Variants in DIAPH2 observed in about 807,000 individuals in gnomAD.
The protein encoded by DIAPH2 is diaphanous related formin 2.
DIAPH2 carries 35 observed loss-of-function variants against 92.7 expected under a neutral mutation model. The observed-to-expected ratio is 0.38, with a 90% CI of 0.29 to 0.50. DIAPH2 has a LOEUF of 0.50. Ranked by LOEUF, DIAPH2 falls within the 20% of genes least tolerant of loss-of-function variation. The pLI is 0.94. For synonymous variants in DIAPH2, 301 were observed against 280.4 expected, an observed-to-expected ratio of 1.07 and a Z score of -0.73; for missense variants, 701 against 819.5, an observed-to-expected ratio of 0.86 and a Z score of 1.77.
intron 17 of DIAPH2, among the ~76,000 whole-genome samples, chrX:97,050,490 A>G (rs761879255): frequency 2.8e-4 from 30 of 108,068 alleles, no homozygotes; most frequent in Non-Finnish European, 4.6e-4. Flanking sequence ...CACAAATAAT[A>G]GAACCACGTT....
At chrX:97,401,690 A>G (rs947012532) in intron 25 of DIAPH2, among the ~76,000 whole-genome samples, 1 of 111,654 alleles carries the variant, frequency 9.0e-6, no homozygotes, top group African/African-American at 3.3e-5. Flanking sequence ...GGTGGGGGTA[A>G]GGGGACAGCA....
At chrX:97,554,834 A>G (rs2071245765) in intron 26 of DIAPH2, among the ~76,000 whole-genome samples, 1 of 112,117 alleles carries the variant, frequency 8.9e-6, no homozygotes, top group Admixed American at 9.5e-5. Context: ...GGTACAAAGT[A>G]AGTGATAGCA....
At chrX:97,086,385 C>G (rs1275263594) in intron 19 of DIAPH2, among the ~76,000 whole-genome samples, 2 of 111,323 alleles carry the variant, frequency 1.8e-5, no homozygotes, top group Non-Finnish European at 3.8e-5. Context: ...TTACCAGGGA[C>G]TAGAGGTGGG....
intron 21 of DIAPH2, among the ~76,000 whole-genome samples, chrX:97,129,165 C>CCTTTCCTTTCCTTTCCTTTCCT (rs2067119237): frequency 1.5e-5 from 1 of 68,914 alleles, no homozygotes; most frequent in African/African-American, 7.0e-5. Flanking sequence ...CTTTTCTTTT[C>CCTTTCCTTTCCTTTCCTTTCCT]TTTCTTTTCT....
chrX:97,427,051 G>A (rs780771979), intron 25 of DIAPH2, among the ~76,000 whole-genome samples: 28 of 108,379 alleles, frequency 2.6e-4, no homozygotes, highest in Middle Eastern at 4.6e-3. Flanking sequence ...GGTGGCAGGC[G>A]CCTGTAATCC....
At chrX:96,798,242 T>C (rs1353674679) in intron 4 of DIAPH2, among the ~76,000 whole-genome samples, 1 of 112,448 alleles carries the variant, frequency 8.9e-6, no homozygotes, top group Non-Finnish European at 1.9e-5. Flanking sequence ...AAATTTTTTC[T>C]GTAGTAGATC....
At chrX:96,749,894 G>A (rs749082590) in intron 3 of DIAPH2, among the ~76,000 whole-genome samples, 1 of 110,965 alleles carries the variant, frequency 9.0e-6, no homozygotes, top group East Asian at 2.8e-4. Context: ...CTTGGAAGTT[G>A]AGTCTGTTGG....
In DIAPH2 at chrX:97,451,354, T is replaced by TC. The variant is rs1416659877; in HGVS notation, c.3241+21611dup. ...ACATTACCTGCCGCATCTCCAACAG[T>TC]CCAACGCTGTGAGAAAATGTGATAT... On this transcript the variant is annotated intron_variant, in intron 26 of 26. Coordinates refer to ENST00000324765, the MANE Select transcript of DIAPH2 (RefSeq NM_006729.5). Among the ~76,000 whole-genome samples, 623 of 111,490 alleles carry TC rather than the reference T, an allele frequency of 5.6e-3. 2 individuals are homozygous for TC. The highest frequency in any genetic ancestry group is 0.019 in the African/African-American group (590 of 30,753).
chrX:96,695,938 G>C (rs977096094), intron 1 of DIAPH2, among the ~76,000 whole-genome samples: 2 of 112,120 alleles, frequency 1.8e-5, no homozygotes, highest in Admixed American at 1.9e-4. Context: ...ACTTCATTTT[G>C]ATCTTAGCAC....
At chrX:97,363,526 C>T (rs987752533) in intron 24 of DIAPH2, among the ~76,000 whole-genome samples, 1 of 107,357 alleles carries the variant, frequency 9.3e-6, no homozygotes, top group Non-Finnish European at 1.9e-5. Context: ...ATTAGCGTGG[C>T]ATTGTGGCTT....
At chrX:97,575,034 C>G (rs778155113) in intron 26 of DIAPH2, among the ~76,000 whole-genome samples, 5 of 112,289 alleles carry the variant, frequency 4.5e-5, no homozygotes, top group Non-Finnish European at 9.4e-5. Flanking sequence ...TATTGAGCAA[C>G]TGGATATGAG....
chrX:97,033,362 G>A (rs2066389373), intron 17 of DIAPH2, among the ~76,000 whole-genome samples: 1 of 111,578 alleles, frequency 9.0e-6, no homozygotes, highest in Admixed American at 9.5e-5. Flanking sequence ...TCAGAAAGAT[G>A]CCAGATCTAA....
intron 24 of DIAPH2, among the ~76,000 whole-genome samples, chrX:97,352,591 C>G (rs949657014): frequency 9.1e-5 from 10 of 109,627 alleles, no homozygotes; most frequent in African/African-American, 3.3e-4. Context: ...GCATACAGGC[C>G]AGGCTCAGTG....
At chrX:97,365,786 A>G (rs1233763608) in intron 24 of DIAPH2, among the ~76,000 whole-genome samples, 2 of 106,665 alleles carry the variant, frequency 1.9e-5, no homozygotes, top group African/African-American at 3.5e-5. Context: ...GCTCACTGCA[A>G]TCTCCACCTC....
chrX:97,374,296 G>A (rs2069478697), intron 24 of DIAPH2, among the ~76,000 whole-genome samples: 1 of 111,442 alleles, frequency 9.0e-6, no homozygotes, highest in Admixed American at 9.5e-5. Context: ...GATTACCTAT[G>A]GTCTGTTATA....
At chrX:96,885,188 A>G (rs1032834162) in intron 5 of DIAPH2, 1 of 766,968 alleles carries the variant, frequency 1.3e-6, no homozygotes, top group African/African-American at 2.1e-5. Context: ...TAGGACTAAA[A>G]AAAAAAATCT....
intron 1 of DIAPH2, among the ~76,000 whole-genome samples, chrX:96,720,063 C>T (rs1235278983): frequency 1.9e-4 from 21 of 111,647 alleles, no homozygotes; most frequent in Non-Finnish European, 3.4e-4. Context: ...AAATTGCTTA[C>T]TCAATAATTA....
chrX:96,773,184 T>C (rs1226945681), intron 4 of DIAPH2, among the ~76,000 whole-genome samples: 1 of 109,815 alleles, frequency 9.1e-6, no homozygotes, highest in Admixed American at 9.8e-5. Flanking sequence ...TCTTATTGTG[T>C]GGAGTGGTTT....
In DIAPH2 at chrX:96,772,626, G is replaced by A. The variant is rs2064346572; in HGVS notation, c.447+14368G>A. ...ATTTAGAGTAATTTTTTGTACTGTG[G>A]TCACCATAATTCGGATACCATGATT... On this transcript the variant is annotated intron_variant, in intron 4 of 26. Transcript: ENST00000324765. Among the ~76,000 whole-genome samples the A allele has an allele frequency of 2.7e-5, 3 of 112,223 alleles. No individual in the cohort carries two copies. The South Asian group carries it at 1.1e-3, about 41-fold the overall frequency.
Sources: allele counts gnomAD v4.1 joint callset (sites outside exome capture counted in the v4.1 genomes callset), GRCh38; gene constraint gnomAD v4.1.1; transcripts MANE v1.5; gene names NCBI Gene and HGNC (gene_info 2026-07-23, HGNC 2026-07-21).